The following DCAF1 variants were observed in gnomAD, a reference collection of about 807,000 sequenced individuals.
DCAF1 encodes the protein DDB1- and CUL4-associated factor 1.
A neutral mutation model predicts 128.0 loss-of-function variants in DCAF1; 15 were observed. That is an observed-to-expected ratio of 0.12 (90% CI 0.08 to 0.18). The LOEUF (loss-of-function observed/expected upper bound fraction) is 0.18. DCAF1 is among the 10% of genes least tolerant of loss of function. The pLI is 1.00. For missense variants in DCAF1, 988 were observed against 1,649.5 expected (o/e 0.60, Z 6.95); for synonymous variants, 610 against 603.0 (o/e 1.01, Z -0.17).
chr3:51,500,229 A>G (rs953705914), upstream of DCAF1, among the ~76,000 whole-genome samples: 2 of 148,996 alleles, frequency 1.3e-5, no homozygotes, highest in Non-Finnish European at 3.0e-5. Context: ...TTGACGCATG[A>G]GCTCTTCGCC....
intron 8 of DCAF1, 83 bp from the exon 9 acceptor site, chr3:51,441,154 T>A: frequency 7.5e-7 from 1 of 1,336,310 alleles, no homozygotes; most frequent in Non-Finnish European, 1.0e-6. Context: ...GATAGAAGCC[T>A]AAAGAAATGA....
intron 13 of DCAF1, among the ~76,000 whole-genome samples, chr3:51,425,065 G>A (rs1485860156): frequency 4.6e-5 from 7 of 152,154 alleles, no homozygotes; most frequent in African/African-American, 1.2e-4. Context: ...CGTAGTGAAT[G>A]CTAAGAGTAA....
At chr3:51,413,913 A>G in intron 20 of DCAF1, 37 bp downstream of exon 20, 1 of 1,442,202 alleles carries the variant, frequency 6.9e-7, no homozygotes, top group Non-Finnish European at 9.2e-7. Flanking sequence ...GGGGTAGAGC[A>G]AAAGGAAAGA....
rs545796022 is a variant in DCAF1 at position 51,467,911 on chromosome 3, G to A, written c.188-1035C>T. On this transcript the variant is annotated intron_variant, in intron 4 of 24. Transcript: ENST00000684031. ...CATGCTTCTATTGATGGGTGGCCTG[G>A]AGAAGACTGGCTCCAAGTCCAACCT... Among the ~76,000 whole-genome samples the A allele has an allele frequency of 3.3e-5, 5 of 152,234 alleles. No homozygotes were observed. In the South Asian group the frequency reaches 6.2e-4, roughly 19 times the overall value.
At chr3:51,484,691 T>C (rs1170557369) in intron 2 of DCAF1, among the ~76,000 whole-genome samples, 1 of 148,934 alleles carries the variant, frequency 6.7e-6, no homozygotes, top group Admixed American at 6.7e-5. Flanking sequence ...TCTTTTTTTT[T>C]TTTTTTTTTG....
At chr3:51,486,975 CT>C (rs879971317) in intron 2 of DCAF1, among the ~76,000 whole-genome samples, 94 of 130,698 alleles carry the variant, frequency 7.2e-4, no homozygotes, top group African/African-American at 1.1e-3. Flanking sequence ...CTTTTCTTTT[CT>C]TTTTTTTTTT....
At chr3:51,488,413 C>T (rs969504810) in intron 2 of DCAF1, among the ~76,000 whole-genome samples, 1 of 152,326 alleles carries the variant, frequency 6.6e-6, no homozygotes, top group East Asian at 1.9e-4. Context: ...GCACATGGCT[C>T]ACGCCTGTAA....
intron 2 of DCAF1, among the ~76,000 whole-genome samples, chr3:51,485,240 A>G (rs1706795848): frequency 6.6e-6 from 1 of 152,236 alleles, no homozygotes; most frequent in Admixed American, 6.6e-5. Flanking sequence ...GAGAAGGCCA[A>G]GAAATGAAAT....
At chr3:51,443,654 C>A in intron 7 of DCAF1, 112 bp downstream of exon 7, 1 of 907,394 alleles carries the variant, frequency 1.1e-6, no homozygotes, top group Non-Finnish European at 1.5e-6. Flanking sequence ...GAAATTATAG[C>A]CATGCTCCAG....
At chr3:51,418,572 G>C (rs976267875) in intron 16 of DCAF1, 106 bp downstream of exon 16, 4 of 1,483,622 alleles carry the variant, frequency 2.7e-6, no homozygotes, top group Non-Finnish European at 3.6e-6. Context: ...TCCAGTTGAG[G>C]ACTCATTTAA....
In DCAF1 at chr3:51,414,825, C is replaced by G. The variant is rs1698733234; in HGVS notation, c.3636G>C (p.Leu1212Phe). Reference protein sequence around the residue: ...IYDIQTGNKLLTLFNPDLANN... With the variant: ...IYDIQTGNKLFTLFNPDLANN... The stretch of plus-strand genomic sequence containing the variant: ...TGGCAAGATCTGGGTTAAACAGAGT[C>G]AACAGCTTGTTGCCAGTCTGAATAT... The change falls in exon 19 of 25, where the codon TTG becomes TTC. Residue 1212 changes from leucine (L) to phenylalanine (F), a missense_variant. Leu to Phe is a conservative substitution (Grantham distance 22, BLOSUM62 0). Coordinates refer to ENST00000684031, the MANE Select transcript of DCAF1 (RefSeq NM_001387579.1). The G allele has an allele frequency of 1.2e-6, 2 of 1,613,936 alleles. No individual in the cohort carries two copies. The highest frequency in any genetic ancestry group is 1.7e-6 in the Non-Finnish European group (2 of 1,179,876).
intron 9 of DCAF1, among the ~76,000 whole-genome samples, chr3:51,437,743 G>A (rs1439523793): frequency 6.6e-6 from 1 of 151,856 alleles, no homozygotes; most frequent in Non-Finnish European, 1.5e-5. Flanking sequence ...TGAGCCTGGG[G>A]GGTGGAGGTT....
intron 16 of DCAF1, 78 bp downstream of exon 16, chr3:51,418,600 A>C: frequency 6.6e-7 from 1 of 1,514,246 alleles, no homozygotes; most frequent in Non-Finnish European, 8.8e-7. Context: ...AGCTCAATAA[A>C]GGGTAAGCCT....
chr3:51,485,664 C>CTAG (rs1308126247), intron 2 of DCAF1, among the ~76,000 whole-genome samples: 2 of 152,172 alleles, frequency 1.3e-5, no homozygotes, highest in African/African-American at 4.8e-5. Flanking sequence ...AAAATGAACT[C>CTAG]TTCTAAAGAT....
At chr3:51,422,167 T>A in intron 14 of DCAF1, 140 bp downstream of exon 14, 1 of 603,362 alleles carries the variant, frequency 1.7e-6, no homozygotes, top group Non-Finnish European at 3.0e-6. Context: ...GTACTCCTTA[T>A]AAAGGACAGA....
chr3:51,492,474 C>A (rs1367732629), intron 2 of DCAF1, among the ~76,000 whole-genome samples: 4 of 151,794 alleles, frequency 2.6e-5, no homozygotes, highest in Non-Finnish European at 4.4e-5. Context: ...CGAGATTACC[C>A]CAATGCACAC....
At chr3:51,429,205 G>C (rs1461249368) in intron 12 of DCAF1, 56 bp downstream of exon 12, 7 of 715,274 alleles carry the variant, frequency 9.8e-6, no homozygotes, top group South Asian at 5.9e-5. Context: ...TTTCAGGACT[G>C]AGATGCTACA....
At chr3:51,437,682 G>GT (rs1176735557) in intron 9 of DCAF1, among the ~76,000 whole-genome samples, 1 of 151,974 alleles carries the variant, frequency 6.6e-6, no homozygotes, top group East Asian at 1.9e-4. Flanking sequence ...GGGCAGGGTG[G>GT]TGCGCACCTG....
chr3:51,494,360 C>T (rs578213804), intron 2 of DCAF1, among the ~76,000 whole-genome samples: 132 of 152,012 alleles, frequency 8.7e-4, no homozygotes, highest in Admixed American at 4.3e-3. Flanking sequence ...GTGATCCACC[C>T]GCCTCAGCCT....
Sources: gnomAD v4.1 joint callset for allele counts (sites outside exome capture counted in the v4.1 genomes callset) on GRCh38, gnomAD v4.1.1 for gene constraint, MANE v1.5 for transcripts, NCBI Gene and HGNC (gene_info 2026-07-23, HGNC 2026-07-21) for gene names.